The following PEX14 variants were observed in gnomAD, a reference collection of about 807,000 sequenced individuals.
PEX14 encodes the protein peroxisomal membrane protein PEX14.
PEX14 carries 15 observed loss-of-function variants against 49.5 expected under a neutral mutation model. The observed-to-expected ratio is 0.30, with a 90% confidence interval of 0.20 to 0.47. The LOEUF (loss-of-function observed/expected upper bound fraction) is 0.47, where lower values mean the gene tolerates loss of function less well. Ranked by LOEUF, PEX14 falls within the 20% of genes least tolerant of loss-of-function variation. The pLI is 1.00. For synonymous variants in PEX14, 210 were observed against 212.7 expected (o/e 0.99, Z 0.11); for missense variants, 398 against 494.8 (o/e 0.80, Z 1.86).
intron 3 of PEX14, among the ~76,000 whole-genome samples, chr1:10,543,293 C>T (rs6664032): frequency 0.083 from 12,697 of 152,228 alleles, 1,350 homozygotes; most frequent in African/African-American, 0.25. Context: ...TGCCACCGCA[C>T]CCAGCTAATT....
chr1:10,566,367 T>G (rs773448847), intron 3 of PEX14, among the ~76,000 whole-genome samples: 1 of 152,256 alleles, frequency 6.6e-6, no homozygotes, highest in Non-Finnish European at 1.5e-5. Context: ...CTAAGGAAAA[T>G]AGCCCCATGT....
At chr1:10,485,306 T>TC (rs1213517324) in intron 1 of PEX14, among the ~76,000 whole-genome samples, 12 of 148,258 alleles carry the variant, frequency 8.1e-5, no homozygotes, top group Non-Finnish European at 1.6e-4. Flanking sequence ...GTGGTTTTTT[T>TC]TTTTTTTTTT....
chr1:10,601,553 G>C (rs1640986461), intron 4 of PEX14, among the ~76,000 whole-genome samples: 1 of 152,192 alleles, frequency 6.6e-6, no homozygotes, highest in South Asian at 2.1e-4. Context: ...TCCACAGAAG[G>C]CTGAATGGGG....
At chr1:10,612,028 A>G (rs755446476) in intron 4 of PEX14, among the ~76,000 whole-genome samples, 3 of 152,116 alleles carry the variant, frequency 2.0e-5, no homozygotes, top group Non-Finnish European at 2.9e-5. Context: ...TTTTTGGTTC[A>G]TGCTTCTTAT....
intron 4 of PEX14, among the ~76,000 whole-genome samples, chr1:10,603,780 T>C (rs1641051265): frequency 6.6e-6 from 1 of 152,206 alleles, no homozygotes; most frequent in Non-Finnish European, 1.5e-5. Context: ...GTAAATTTTG[T>C]AGGATAATAA....
intron 5 of PEX14, among the ~76,000 whole-genome samples, chr1:10,622,199 G>T (rs1641615877): frequency 6.6e-6 from 1 of 152,186 alleles, no homozygotes; most frequent in Non-Finnish European, 1.5e-5. Flanking sequence ...CTTCCTGAAC[G>T]GCTCCTTCGG....
In PEX14 at chr1:10,583,438, T is replaced by C. The variant is rs1240289194; in HGVS notation, c.170-15800T>C. ...GGTTGCACTATGTTGTCCAGGCTGGTCTTGAACTCCTGTACTCAAGTGATC... is the reference window on the plus strand; with the variant it reads ...GGTTGCACTATGTTGTCCAGGCTGGCCTTGAACTCCTGTACTCAAGTGATC... On this transcript the variant is annotated intron_variant, in intron 3 of 8. Transcript: ENST00000356607. Among the ~76,000 whole-genome samples, 6 of 150,178 alleles carry C rather than the reference T, an allele frequency of 4.0e-5. No homozygotes were observed. In the East Asian group the frequency reaches 1.2e-3, roughly 31 times the overall value.
Position 10,501,366 on chromosome 1 carries a change from A to T in PEX14, c.84+6045A>T, listed in dbSNP as rs564614964. Among the ~76,000 whole-genome samples, 140 of 152,226 alleles carry T rather than the reference A, an allele frequency of 9.2e-4. 1 individual carries two copies. Among genetic ancestry groups the T allele is most frequent in the African/African-American group, 3.2e-3 (131 of 41,554 alleles). Reference sequence around the variant, plus strand: ...GGCTAGAGTGCTGGAGTGCAGTGGCACGATCTCGGCTCACTGCAGGCTCTG... The same window carrying T: ...GGCTAGAGTGCTGGAGTGCAGTGGCTCGATCTCGGCTCACTGCAGGCTCTG... On this transcript the variant is annotated intron_variant, in intron 2 of 8. Transcript: ENST00000356607.
intron 3 of PEX14, among the ~76,000 whole-genome samples, chr1:10,559,835 G>C (rs765085089): frequency 5.9e-5 from 9 of 152,138 alleles, no homozygotes; most frequent in Non-Finnish European, 4.4e-5. Flanking sequence ...GATGGAACAG[G>C]GGGTCATTTG....
chr1:10,501,857 G>GC (rs1641686855), intron 2 of PEX14, among the ~76,000 whole-genome samples: 1 of 152,156 alleles, frequency 6.6e-6, no homozygotes, highest in South Asian at 2.1e-4. Context: ...GCTACAGTGA[G>GC]CTGTGATACC....
chr1:10,545,616 G>A (rs976487971), intron 3 of PEX14, among the ~76,000 whole-genome samples: 1 of 152,168 alleles, frequency 6.6e-6, no homozygotes, highest in African/African-American at 2.4e-5. Flanking sequence ...AAACTATCTG[G>A]GTTTGAATCC....
intron 2 of PEX14, among the ~76,000 whole-genome samples, chr1:10,517,706 A>G (rs17035116): frequency 0.017 from 2,481 of 147,050 alleles, 75 homozygotes; most frequent in African/African-American, 0.06. Flanking sequence ...TTTTTTTTTA[A>G]ATGAAGGTTA....
chr1:10,545,906 G>A (rs1408515532), intron 3 of PEX14, among the ~76,000 whole-genome samples: 6 of 152,140 alleles, frequency 3.9e-5, no homozygotes, highest in Admixed American at 2.0e-4. Context: ...TTAGCTGGGC[G>A]TGGTGGCGCA....
In PEX14 at chr1:10,494,604, C is replaced by T. The variant is rs552856466; in HGVS notation, c.37-670C>T. On this transcript the variant is annotated intron_variant, in intron 1 of 8. Transcript: ENST00000356607. The surrounding 1 kb of genome is among the most constrained non-coding windows in gnomAD (Gnocchi z 4.3). The stretch of plus-strand genomic sequence containing the variant: ...AAGAGGAAACGGGCTAGAGCCAGGG[C>T]CTCGGCCACAGTGCTGCCTGCTCGC... Among the ~76,000 whole-genome samples the T allele has an allele frequency of 1.3e-5, 2 of 152,322 alleles. No homozygotes were observed. Among genetic ancestry groups the T allele is most frequent in the South Asian group, 2.1e-4 (1 of 4,826 alleles).
intron 5 of PEX14, among the ~76,000 whole-genome samples, chr1:10,619,315 A>ATTT (rs60523076): frequency 1.5e-5 from 2 of 129,036 alleles, no homozygotes; most frequent in Non-Finnish European, 3.3e-5. Flanking sequence ...CTGATTGGTG[A>ATTT]TTTTTTTTTT....
rs1491331880 is a variant in PEX14 at position 10,514,198 on chromosome 1, G to GTA, written c.84+18879_84+18880dup. Among the ~76,000 whole-genome samples the GTA allele has an allele frequency of 6.9e-6, 1 of 144,058 alleles. No homozygotes were observed. The highest frequency in any genetic ancestry group is 2.7e-5 in the African/African-American group (1 of 37,686). 94.5% of individuals were successfully genotyped at this position (144,058 alleles called of 152,430 possible). ...TGTGTGTGTGTGTGTGTGTGTGTGT[G>GTA]TATGGTGTTAGAAACGGCAGAGTCA... On this transcript the variant is annotated intron_variant, in intron 2 of 8. Transcript: ENST00000356607. This position sits in a 1 kb window ranked among gnomAD's most constrained non-coding sequence, Gnocchi z 4.4.
intron 2 of PEX14, among the ~76,000 whole-genome samples, chr1:10,508,486 C>T (rs972418588): frequency 2.0e-5 from 3 of 152,190 alleles, no homozygotes; most frequent in Non-Finnish European, 4.4e-5. Flanking sequence ...CTGCCGCGCC[C>T]GGCCTTGGAT....
chr1:10,521,509 G>T (rs1638294663), intron 2 of PEX14, among the ~76,000 whole-genome samples: 1 of 152,210 alleles, frequency 6.6e-6, no homozygotes, highest in African/African-American at 2.4e-5. Context: ...AAGATGAAAA[G>T]TGTTACATAA....
rs1204102396 is a variant in PEX14 at position 10,623,435 on chromosome 1, TTTTCA to T, written c.487+315_487+319del. ...ATTTTTAATTTCTGCTTCTATGAGG[TTTTCA>T]GGGGGGTTTTCAGTGATTTTCCCCC... On this transcript the variant is annotated intron_variant, in intron 6 of 8. Transcript: ENST00000356607. This position sits in a 1 kb window ranked among gnomAD's most constrained non-coding sequence, Gnocchi z 4.4. The T allele has an allele frequency of 1.1e-5, 4 of 369,380 alleles. No individual in the cohort carries two copies. The highest frequency in any genetic ancestry group is 2.1e-5 in the Non-Finnish European group (4 of 190,820). The allele number at this position is 369,380 out of a possible 1,614,324, so 22.9% of individuals were successfully genotyped here. A position where few individuals can be genotyped will look rare whatever the true frequency, so the allele number is the denominator to read the frequency against.
Sources: allele counts gnomAD v4.1 joint callset (sites outside exome capture counted in the v4.1 genomes callset), GRCh38; gene constraint gnomAD v4.1.1; non-coding constraint Gnocchi (gnomAD v3.1); transcripts MANE v1.5; gene names NCBI Gene and HGNC (gene_info 2026-07-23, HGNC 2026-07-21).